SPAG17: variants seen among roughly 807,000 people sequenced by gnomAD.
The protein encoded by SPAG17 is sperm associated antigen 17.
Under a neutral mutation model 273.6 loss-of-function variants are expected in SPAG17, and 169 were observed. That is an observed-to-expected ratio of 0.62 (90% confidence interval 0.55 to 0.70). The LOEUF is 0.70. Ranked by LOEUF, SPAG17 falls within the 30% of genes least tolerant of loss-of-function variation. SPAG17 has a pLI of 0.00. For missense variants in SPAG17, 2,557 were observed against 2,627.8 expected (o/e 0.97, Z 0.59); for synonymous variants, 825 against 873.2 (o/e 0.94, Z 0.97).
intron 15 of SPAG17, 111 bp from the exon 16 acceptor site, chr1:118,074,711 G>T: frequency 1.0e-6 from 1 of 960,192 alleles, no homozygotes; most frequent in Non-Finnish European, 1.6e-6. Context: ...GTGCTGAAAA[G>T]GCAATGCCTG....
intron 32 of SPAG17, among the ~76,000 whole-genome samples, chr1:117,999,463 A>G (rs975787891): frequency 6.6e-6 from 1 of 152,112 alleles, no homozygotes; most frequent in Non-Finnish European, 1.5e-5. Context: ...AAGTGTTCCT[A>G]TTTCTCCACA....
intron 1 of SPAG17, among the ~76,000 whole-genome samples, chr1:118,156,252 AATG>A (rs1659642556): frequency 6.6e-6 from 1 of 152,210 alleles, no homozygotes; most frequent in Non-Finnish European, 1.5e-5. Flanking sequence ...TTAGGTCAGA[AATG>A]ATGTTTTCTA....
intron 1 of SPAG17, among the ~76,000 whole-genome samples, chr1:118,168,583 T>C (rs1178531846): frequency 1.3e-5 from 2 of 152,192 alleles, no homozygotes; most frequent in Non-Finnish European, 2.9e-5. Flanking sequence ...TCAGGTGCTA[T>C]AGCCAGCAAG....
Position 118,085,998 on chromosome 1 carries a change from T to C in SPAG17, c.1686A>G (p.Gln562=), listed in dbSNP as rs756037546. 3 of 1,613,872 alleles carry C rather than the reference T, an allele frequency of 1.9e-6. No homozygotes were observed. The highest frequency in any genetic ancestry group is 2.5e-6 in the Non-Finnish European group (3 of 1,179,930). ...QSKLPLWEFL[Q]FPLPPPWNNT... is the part of the protein sequence containing the mutation. Reference sequence around the variant, plus strand: ...TGTTCCATGGTGGGGGTAGAGGGAATTGAAGAAATTCCCACAGTGGCAACT... The same window carrying C: ...TGTTCCATGGTGGGGGTAGAGGGAACTGAAGAAATTCCCACAGTGGCAACT... Residue 562 remains glutamine, a synonymous_variant, in exon 13 of 49, where the codon CAA becomes CAG. Coordinates refer to ENST00000336338, the MANE Select transcript of SPAG17 (RefSeq NM_206996.4).
intron 20 of SPAG17, among the ~76,000 whole-genome samples, chr1:118,044,700 A>AT (rs1343205132): frequency 3.3e-5 from 5 of 152,088 alleles, no homozygotes; most frequent in African/African-American, 1.2e-4. Flanking sequence ...ATGGGGGCAG[A>AT]TTTTCCCCTT....
intron 1 of SPAG17, among the ~76,000 whole-genome samples, chr1:118,170,615 T>G (rs1207163581): frequency 1.3e-5 from 2 of 152,218 alleles, no homozygotes; most frequent in Non-Finnish European, 2.9e-5. Context: ...TCATTTAATA[T>G]TCACAGCAAG....
chr1:118,018,574 T>C (rs540499859), intron 28 of SPAG17, among the ~76,000 whole-genome samples: 5 of 151,934 alleles, frequency 3.3e-5, no homozygotes, highest in Admixed American at 6.6e-5. Flanking sequence ...GGCTCACACC[T>C]ATAATCTTAG....
intron 3 of SPAG17, among the ~76,000 whole-genome samples, chr1:118,121,327 G>A (rs1211848453): frequency 6.6e-6 from 1 of 152,128 alleles, no homozygotes; most frequent in Non-Finnish European, 1.5e-5. Context: ...CTATCTATGC[G>A]TGCCTGTATA....
At chr1:118,042,742 G>C (rs1649915988) in intron 20 of SPAG17, among the ~76,000 whole-genome samples, 1 of 152,090 alleles carries the variant, frequency 6.6e-6, no homozygotes, top group Non-Finnish European at 1.5e-5. Context: ...CATTTACATA[G>C]AGCATACCCC....
chr1:118,146,326 G>C (rs990205662), intron 3 of SPAG17, among the ~76,000 whole-genome samples: 11 of 152,122 alleles, frequency 7.2e-5, no homozygotes, highest in African/African-American at 2.7e-4. Flanking sequence ...GGTCAGGACT[G>C]ACTATACCTG....
intron 43 of SPAG17, among the ~76,000 whole-genome samples, chr1:117,975,582 C>G (rs975395401): frequency 6.6e-5 from 10 of 152,154 alleles, no homozygotes; most frequent in African/African-American, 2.4e-4. Context: ...AAGGAACATG[C>G]TCCTTTTACT....
intron 15 of SPAG17, among the ~76,000 whole-genome samples, chr1:118,080,124 TGAA>T (rs1430329442): frequency 1.3e-5 from 2 of 152,130 alleles, no homozygotes; most frequent in Non-Finnish European, 2.9e-5. Flanking sequence ...AGGCTGGTCT[TGAA>T]CTCCTGGCCT....
Position 117,964,376 on chromosome 1 carries a change from A to C in SPAG17, c.6533-438T>G, listed in dbSNP as rs569600336. ...CTAATCTATAAGCAGGGAAATAGAA[A>C]ATTTATTATAAATACAAATGATTTC... is the stretch of plus-strand genomic sequence containing the variant. On this transcript the variant is annotated intron_variant, in intron 47 of 48. Coordinates refer to ENST00000336338, the MANE Select transcript of SPAG17 (RefSeq NM_206996.4). The C allele has an allele frequency of 2.5e-3, 390 of 153,448 alleles. 2 individuals carry two copies. The highest frequency in any genetic ancestry group is 8.9e-3 in the African/African-American group (370 of 41,538). 9.5% of individuals were successfully genotyped at this position (153,448 alleles called of 1,614,324 possible). A position where few individuals can be genotyped will look rare whatever the true frequency, so the allele number is the denominator to read the frequency against.
At chr1:118,160,961 C>G (rs1327385421) in intron 1 of SPAG17, among the ~76,000 whole-genome samples, 5 of 152,148 alleles carry the variant, frequency 3.3e-5, no homozygotes, top group Non-Finnish European at 7.3e-5. Context: ...GTCAGAAAAA[C>G]TATGAGACTG....
At chr1:118,174,609 C>T (rs939615885) in intron 1 of SPAG17, among the ~76,000 whole-genome samples, 1 of 152,088 alleles carries the variant, frequency 6.6e-6, no homozygotes, top group African/African-American at 2.4e-5. Flanking sequence ...GAATGACATG[C>T]ATATAAAAAT....
intron 4 of SPAG17, among the ~76,000 whole-genome samples, chr1:118,107,941 G>A (rs1418363568): frequency 6.6e-6 from 1 of 152,134 alleles, no homozygotes; most frequent in East Asian, 1.9e-4. Context: ...GGTAGAATAT[G>A]TATTACTATG....
intron 1 of SPAG17, among the ~76,000 whole-genome samples, chr1:118,173,537 C>A (rs1367733678): frequency 6.6e-6 from 1 of 152,100 alleles, no homozygotes; most frequent in African/African-American, 2.4e-5. Context: ...CAATGGCACA[C>A]TCATGGATGC....
At chr1:118,050,479 A>G (rs1650874255) in intron 20 of SPAG17, among the ~76,000 whole-genome samples, 1 of 152,174 alleles carries the variant, frequency 6.6e-6, no homozygotes, top group Admixed American at 6.5e-5. Context: ...ACAGTATCAC[A>G]CTACCTGATT....
chr1:118,162,853 T>C (rs1332973977), intron 1 of SPAG17, among the ~76,000 whole-genome samples: 2 of 152,158 alleles, frequency 1.3e-5, no homozygotes, highest in African/African-American at 2.4e-5. Flanking sequence ...CTTATTTATG[T>C]TTACATCCTT....
Sources: gnomAD v4.1 joint callset for allele counts (sites outside exome capture counted in the v4.1 genomes callset) on GRCh38, gnomAD v4.1.1 for gene constraint, MANE v1.5 for transcripts, NCBI Gene and HGNC (gene_info 2026-07-23, HGNC 2026-07-21) for gene names.